The following MAGI1 variants were observed in gnomAD, a reference collection of about 807,000 sequenced individuals.
MAGI1 encodes membrane associated guanylate kinase, WW and PDZ domain containing 1, also known as membrane-associated guanylate kinase, WW and PDZ domain-containing protein 1.
A neutral mutation model predicts 139.9 loss-of-function variants in MAGI1; 58 were observed. The ratio of observed to expected loss-of-function variants is 0.41; its 90% CI spans 0.34 to 0.52. MAGI1 has a LOEUF of 0.52. MAGI1 is among the 20% of genes least tolerant of loss of function. The probability of loss-of-function intolerance (pLI) is 0.12; values close to 1 mark genes in which losing one functional copy is unlikely to be tolerated. For missense variants in MAGI1, 1,874 were observed against 1,901.6 expected, an observed-to-expected ratio of 0.99 and a Z score of 0.27; for synonymous variants, 812 against 737.9, an observed-to-expected ratio of 1.10 and a Z score of -1.63.
intron 2 of MAGI1, among the ~76,000 whole-genome samples, chr3:65,592,125 T>C (rs7626662): frequency 0.37 from 56,515 of 152,108 alleles, 11,885 homozygotes; most frequent in East Asian, 0.66. Flanking sequence ...ACACAGTTCC[T>C]AGCACATAAA....
intron 1 of MAGI1, among the ~76,000 whole-genome samples, chr3:65,903,963 G>A (rs919749158): frequency 4.6e-5 from 7 of 151,770 alleles, no homozygotes; most frequent in Admixed American, 3.3e-4. Flanking sequence ...AGCCGAGATC[G>A]TGCCACTGCA....
At chr3:65,518,893 CA>C (rs1238228583) in intron 2 of MAGI1, among the ~76,000 whole-genome samples, 1 of 151,932 alleles carries the variant, frequency 6.6e-6, no homozygotes, top group East Asian at 1.9e-4. Flanking sequence ...GGAGAAAAAG[CA>C]GAATAAGAGT....
At chr3:66,022,228 T>G (rs2107556015) in intron 1 of MAGI1, among the ~76,000 whole-genome samples, 1 of 152,278 alleles carries the variant, frequency 6.6e-6, no homozygotes, top group South Asian at 2.1e-4. Context: ...GAGCTTACAT[T>G]TTTAGCTAAA....
At chr3:65,928,424 G>C (rs1035387688) in intron 1 of MAGI1, among the ~76,000 whole-genome samples, 3 of 152,180 alleles carry the variant, frequency 2.0e-5, no homozygotes, top group African/African-American at 4.8e-5. Context: ...TTCAGATATT[G>C]AACTGGTACC....
At chr3:65,907,180 T>C (rs1389278197) in intron 1 of MAGI1, among the ~76,000 whole-genome samples, 1 of 152,200 alleles carries the variant, frequency 6.6e-6, no homozygotes, top group East Asian at 1.9e-4. Flanking sequence ...TTTTTCAAAT[T>C]GCTAAAAATA....
intron 1 of MAGI1, among the ~76,000 whole-genome samples, chr3:66,029,891 C>T (rs983111886): frequency 5.3e-5 from 8 of 152,188 alleles, no homozygotes; most frequent in Admixed American, 1.3e-4. Context: ...CTCTAGTAGC[C>T]TCAGCTCTCC....
chr3:65,444,594 A>G (rs1948556320), intron 7 of MAGI1, among the ~76,000 whole-genome samples: 1 of 152,146 alleles, frequency 6.6e-6, no homozygotes, highest in African/African-American at 2.4e-5. Flanking sequence ...TTGAATGCCT[A>G]CTTTTTGCCC....
chr3:65,592,778 A>G (rs919816247), intron 2 of MAGI1, among the ~76,000 whole-genome samples: 5 of 152,146 alleles, frequency 3.3e-5, no homozygotes, highest in Non-Finnish European at 7.4e-5. Flanking sequence ...ACTTTTCTGC[A>G]AGCAACGAAC....
intron 1 of MAGI1, among the ~76,000 whole-genome samples, chr3:65,877,134 A>T (rs1325068162): frequency 6.6e-6 from 1 of 152,224 alleles, no homozygotes; most frequent in East Asian, 1.9e-4. Flanking sequence ...TGTGAGTCCA[A>T]ATTCCAGGCT....
chr3:65,949,445 G>A (rs2063691973), intron 1 of MAGI1, among the ~76,000 whole-genome samples: 1 of 152,174 alleles, frequency 6.6e-6, no homozygotes, highest in South Asian at 2.1e-4. Flanking sequence ...TCGTCATTTA[G>A]ACTTGACCAA....
At chr3:65,601,261 A>G (rs1312471851) in intron 2 of MAGI1, among the ~76,000 whole-genome samples, 3 of 152,186 alleles carry the variant, frequency 2.0e-5, no homozygotes, top group Non-Finnish European at 2.9e-5. Context: ...GGGGTTTTAT[A>G]GTTTGTTTGT....
chr3:65,865,304 CA>C lies in MAGI1; in HGVS notation c.313+172691del, dbSNP rs924760998. On this transcript the variant is annotated intron_variant, in intron 1 of 22. Transcript: ENST00000402939. Reference sequence around the variant, plus strand: ...ATCCTAAACGGCACCTGTTAAACTTCAAAAAAAAAGCACTGACCACGTGCAG... The same window carrying C: ...ATCCTAAACGGCACCTGTTAAACTTCAAAAAAAAGCACTGACCACGTGCAG... Among the ~76,000 whole-genome samples the C allele has an allele frequency of 4.6e-4, 70 of 151,192 alleles. 1 individual carries two copies. The highest frequency in any genetic ancestry group is 1.6e-3 in the African/African-American group (66 of 41,126).
At chr3:65,686,596 G>C (rs562367180) in intron 1 of MAGI1, among the ~76,000 whole-genome samples, 1 of 152,108 alleles carries the variant, frequency 6.6e-6, no homozygotes, top group African/African-American at 2.4e-5. Flanking sequence ...CAGCCCTGTA[G>C]GGTTGTTTTC....
rs545049800 is a variant in MAGI1 at position 65,825,160 on chromosome 3, T to C, written c.314-203072A>G. 4.6e-3 allele frequency among the ~76,000 whole-genome samples: 702 copies of C among 152,328 alleles called. 5 individuals carry two copies. The highest frequency in any genetic ancestry group is 7.0e-3 in the Non-Finnish European group (476 of 68,016). On this transcript the variant is annotated intron_variant, in intron 1 of 22. Coordinates refer to ENST00000402939, the MANE Select transcript of MAGI1 (RefSeq NM_001033057.2). Reference sequence around the variant, plus strand: ...GAAAATCTAAGCCTGAGGTTACTTTTGGGAAAACTAATTTAAGCATGAAAA... The same window carrying C: ...GAAAATCTAAGCCTGAGGTTACTTTCGGGAAAACTAATTTAAGCATGAAAA...
intron 2 of MAGI1, among the ~76,000 whole-genome samples, chr3:65,585,086 C>G (rs1387794845): frequency 6.6e-6 from 1 of 152,204 alleles, no homozygotes; most frequent in African/African-American, 2.4e-5. Context: ...ACAACATCAG[C>G]AATTAGTCAT....
At chr3:65,738,340 T>G (rs867200308) in intron 1 of MAGI1, among the ~76,000 whole-genome samples, 71 of 152,306 alleles carry the variant, frequency 4.7e-4, no homozygotes, top group African/African-American at 1.7e-3. Context: ...CCAAGCCAAT[T>G]TAAAAAAAAA....
chr3:65,381,868 AAT>A lies in MAGI1; in HGVS notation c.2701+7_2701+8del, dbSNP rs552295122. On this transcript the variant is annotated splice_region_variant and intron_variant, in intron 16 of 22. Coordinates refer to ENST00000402939, the MANE Select transcript of MAGI1 (RefSeq NM_001033057.2). The stretch of plus-strand genomic sequence containing the variant: ...ACGCACTGTCTGAAGGAATGAATGA[AAT>A]ACATACCCGCAAAAACCACTTTACG... 2.1e-5 allele frequency: 33 copies of A among 1,602,046 alleles called. No individual in the cohort carries two copies. The African/African-American group carries it at 3.7e-4, about 18-fold the overall frequency.
At chr3:65,951,020 GA>G (rs2063826165) in intron 1 of MAGI1, among the ~76,000 whole-genome samples, 1 of 116,434 alleles carries the variant, frequency 8.6e-6, no homozygotes, top group African/African-American at 2.8e-5. Flanking sequence ...AGGAAGGAAG[GA>G]AGGAAGGAAG....
At chr3:65,492,583 C>A (rs1052653583) in intron 3 of MAGI1, among the ~76,000 whole-genome samples, 1 of 152,082 alleles carries the variant, frequency 6.6e-6, no homozygotes, top group Non-Finnish European at 1.5e-5. Flanking sequence ...ACAAAAAGAG[C>A]AAGGTCCAAA....
Sources: allele counts gnomAD v4.1 joint callset (sites outside exome capture counted in the v4.1 genomes callset), GRCh38; gene constraint gnomAD v4.1.1; transcripts MANE v1.5; gene names NCBI Gene and HGNC (gene_info 2026-07-23, HGNC 2026-07-21).